FAT2: variants seen among roughly 807,000 people sequenced by gnomAD.
The protein encoded by FAT2 is FAT atypical cadherin 2, also known as protocadherin Fat 2.
A neutral mutation model predicts 295.3 loss-of-function variants in FAT2; 150 were observed. That is an observed-to-expected ratio of 0.51 (90% CI 0.44 to 0.58). The LOEUF is 0.58. FAT2 is among the 20% of genes least tolerant of loss of function. The pLI is 0.00. For missense variants in FAT2, 4,868 were observed against 5,442.7 expected (o/e 0.89, Z 3.32); for synonymous variants, 2,026 against 2,150.3 (o/e 0.94, Z 1.60).
rs1340253790 is a variant in FAT2, at chr5:151,521,696, T to C, written c.10897A>G (p.Met3633Val). 3.1e-6 allele frequency: 5 copies of C among 1,613,912 alleles called. No homozygotes were observed. Among genetic ancestry groups the C allele is most frequent in the Admixed American group, 1.7e-5 (1 of 60,034 alleles). Residue 3633 changes from methionine to valine, a missense_variant, in exon 19 of 24, where the codon ATG (methionine) becomes GTG (valine). Coordinates refer to ENST00000261800, the MANE Select transcript of FAT2 (RefSeq NM_001447.3). ...GQEALQQAMW[M>V]GFYQLTPEEL... ...TCGGGGGTGAGCTGGTAGAAGCCCA[T>C]CCACATGGCCTGCTGCAGAGCCTCC...
chr5:151,555,842 G>A (rs1027281323), intron 4 of FAT2, among the ~76,000 whole-genome samples: 1 of 152,156 alleles, frequency 6.6e-6, no homozygotes, highest in Non-Finnish European at 1.5e-5. Context: ...ATTTCCACCT[G>A]ATCTGCTTCT....
At chr5:151,576,206 A>C (rs1402435082) in intron 1 of FAT2, among the ~76,000 whole-genome samples, 1 of 152,256 alleles carries the variant, frequency 6.6e-6, no homozygotes, top group African/African-American at 2.4e-5. Flanking sequence ...AAATTCACGT[A>C]TACTTAGCAG....
chr5:151,593,910 G>A (rs1759501436), upstream of FAT2, among the ~76,000 whole-genome samples: 1 of 152,098 alleles, frequency 6.6e-6, no homozygotes, highest in Non-Finnish European at 1.5e-5. Context: ...GGCTGAGGCA[G>A]GAGAATCGCT....
Position 151,525,896 on chromosome 5 carries a change from G to T in FAT2, c.10378C>A (p.Pro3460Thr), listed in dbSNP as rs769838396. 1 of 1,614,184 alleles carries T rather than the reference G, an allele frequency of 6.2e-7. No individual in the cohort carries two copies. Among genetic ancestry groups the T allele is most frequent in the South Asian group, 1.1e-5 (1 of 91,080 alleles). Residue 3460 changes from proline to threonine, a missense_variant, in exon 18 of 24, where the codon CCC becomes ACC. Pro to Thr is a conservative substitution (Grantham distance 38). This residue lies in a region of FAT2 where 1,046 missense variants were observed against 1,210.1 expected (regional missense o/e 0.86). Coordinates refer to ENST00000261800, the MANE Select transcript of FAT2 (RefSeq NM_001447.3). ...LSDPDSPENG[P>T]PYSFRITKGN... ...TTGGTGATTCGAAACGAGTAGGGGGGGCCATTCTCTGGAGAATCTGGGTCA... is the reference window on the plus strand; with the variant it reads ...TTGGTGATTCGAAACGAGTAGGGGGTGCCATTCTCTGGAGAATCTGGGTCA...
chr5:151,557,967 C>G (rs754587175), intron 3 of FAT2, among the ~76,000 whole-genome samples: 1 of 152,208 alleles, frequency 6.6e-6, no homozygotes, highest in Non-Finnish European at 1.5e-5. Flanking sequence ...CTAATCCCCT[C>G]TGTGCCTCGC....
chr5:151,592,288 G>T (rs1279641001), upstream of FAT2, among the ~76,000 whole-genome samples: 1 of 152,098 alleles, frequency 6.6e-6, no homozygotes, highest in Admixed American at 6.6e-5. Flanking sequence ...TTGTTTGCTC[G>T]TTTTGTATGT....
chr5:151,522,184 C>G, intron 18 of FAT2, 98 bp from the exon 19 acceptor site: 2 of 968,594 alleles, frequency 2.1e-6, no homozygotes, highest in Non-Finnish European at 3.0e-6. Context: ...TTTCTCTGCC[C>G]CACGCCCAAC....
At position 151,525,885 on chromosome 5, in the gene FAT2, C is replaced by G. The variant is rs149006704; in HGVS notation, c.10389G>C (p.Ser3463=). 4 of 1,614,160 alleles carry G rather than the reference C, an allele frequency of 2.5e-6. No homozygotes were observed. The highest frequency in any genetic ancestry group is 3.4e-6 in the Non-Finnish European group (4 of 1,180,032). Residue 3463 remains serine (S), a synonymous_variant, in exon 18 of 24, where the codon TCG becomes TCC. Coordinates refer to ENST00000261800, the MANE Select transcript of FAT2 (RefSeq NM_001447.3). ...CGTTGTTCCCCTTGGTGATTCGAAA[C>G]GAGTAGGGGGGGCCATTCTCTGGAG... ...PDSPENGPPY[S]FRITKGNNGS...
At chr5:151,508,811 G>A (rs1309075412) in intron 22 of FAT2, among the ~76,000 whole-genome samples, 1 of 152,084 alleles carries the variant, frequency 6.6e-6, no homozygotes, top group African/African-American at 2.4e-5. Flanking sequence ...TAAAATGAGT[G>A]GGTGAACTAC....
At chr5:151,517,540 C>T in intron 20 of FAT2, 80 bp downstream of exon 20, 1 of 1,552,430 alleles carries the variant, frequency 6.4e-7, no homozygotes, top group Non-Finnish European at 8.8e-7. Flanking sequence ...AATGGGCTTC[C>T]TGACATTCCT....
chr5:151,527,137 C>A, intron 17 of FAT2, 97 bp downstream of exon 17: 1 of 1,263,338 alleles, frequency 7.9e-7, no homozygotes, highest in Non-Finnish European at 1.1e-6. Context: ...AAGTCACAGT[C>A]ATTGTTCATG....
chr5:151,518,368 A>ATTATTATTATTATTATT (rs775348701), intron 19 of FAT2, among the ~76,000 whole-genome samples: 2,437 of 82,364 alleles, frequency 0.03, 34 homozygotes, highest in Non-Finnish European at 0.051. Context: ...TAATAATAAT[A>ATTATTATTATTATTATT]ATAATAATTT....
intron 20 of FAT2, among the ~76,000 whole-genome samples, chr5:151,514,844 A>G (rs564491241): frequency 6.6e-6 from 1 of 152,186 alleles, no homozygotes; most frequent in Non-Finnish European, 1.5e-5. Context: ...CACCTCCTCA[A>G]GGGTCTACTG....
intron 12 of FAT2, among the ~76,000 whole-genome samples, chr5:151,537,406 A>G (rs968887995): frequency 8.5e-5 from 12 of 141,068 alleles, no homozygotes; most frequent in Admixed American, 2.9e-4. Flanking sequence ...GAAAGGGAGA[A>G]AGGAAAAGGA....
chr5:151,510,108 G>T lies in FAT2; in HGVS notation c.11972C>A (p.Thr3991Asn), dbSNP rs763192983. 6.2e-7 allele frequency: 1 copy of T among 1,614,212 alleles called. No individual in the cohort carries two copies. Among genetic ancestry groups the T allele is most frequent in the Non-Finnish European group, 8.5e-7 (1 of 1,180,034 alleles). ...TCCACCTTCCAGGCAGGGTGCAAAAGTACAGTTCTCCCTTCCTTGTTCACA... is the reference window on the plus strand; with the variant it reads ...TCCACCTTCCAGGCAGGGTGCAAAATTACAGTTCTCCCTTCCTTGTTCACA... ...KHCEQGRENC[T>N]FAPCLEGGTC... is the part of the protein sequence containing the mutation. The change falls in exon 22 of 24, where the codon ACT (threonine) becomes AAT (asparagine). Residue 3991 changes from threonine (T) to asparagine (N), a missense_variant. Transcript: ENST00000261800.
rs1473251858 is a variant in FAT2, at chr5:151,542,475, G to A, written c.8652C>T (p.Ile2884=). 12 of 1,614,072 alleles carry A rather than the reference G, an allele frequency of 7.4e-6. No individual in the cohort carries two copies. Among genetic ancestry groups the A allele is most frequent in the African/African-American group, 1.3e-5 (1 of 74,922 alleles). ...GAACCAGGGCCTGAGAGGATAGCTG[G>A]ATGGTCTGTCCGTGGTCATAGGCCA... The part of the protein sequence containing the change: ...HVVAYDHGQT[I]QLSSQALVQV... Residue 2884 remains isoleucine (I), a synonymous_variant, in exon 10 of 24, where the codon ATC becomes ATT. Coordinates refer to ENST00000261800, the MANE Select transcript of FAT2 (RefSeq NM_001447.3).
intron 9 of FAT2, 111 bp from the exon 10 acceptor site, chr5:151,546,448 G>T (rs1361770596): frequency 2.8e-6 from 2 of 711,158 alleles, no homozygotes; most frequent in African/African-American, 3.5e-5. Flanking sequence ...AGCAAAATCT[G>T]CATATAGTGT....
Position 151,567,918 on chromosome 5 carries a change from C to T in FAT2, c.1014G>A (p.Gly338=), listed in dbSNP as rs2127648946. The T allele has an allele frequency of 6.2e-7, 1 of 1,614,110 alleles. No homozygotes were observed. Among genetic ancestry groups the T allele is most frequent in the Non-Finnish European group, 8.5e-7 (1 of 1,180,020 alleles). The change falls in exon 2 of 24, where the codon GGG becomes GGA. Residue 338 remains glycine, a synonymous_variant. Transcript: ENST00000261800. ...GFNLSLQARS[G]SGPYFYSQIR... ...TCTGGGAATAAAAATAAGGGCCGCT[C>T]CCACTCCTGGCCTGGAGGCTGAGGT...
At chr5:151,560,674 G>T (rs1757979615) in intron 3 of FAT2, among the ~76,000 whole-genome samples, 1 of 152,156 alleles carries the variant, frequency 6.6e-6, no homozygotes, top group African/African-American at 2.4e-5. Context: ...TGGTTCTATT[G>T]TGTTTATATC....
Sources: allele counts gnomAD v4.1 joint callset (sites outside exome capture counted in the v4.1 genomes callset), GRCh38; gene constraint gnomAD v4.1.1; regional missense constraint gnomAD v4.1.1; transcripts MANE v1.5; gene names NCBI Gene and HGNC (gene_info 2026-07-23, HGNC 2026-07-21).